The following PLK5 variants were observed in gnomAD, a reference collection of about 807,000 sequenced individuals.
The protein encoded by PLK5 is inactive serine/threonine-protein kinase PLK5.
Under a neutral mutation model 33.7 loss-of-function variants are expected in PLK5, and 28 were observed. The ratio of observed to expected loss-of-function variants is 0.83; its 90% CI spans 0.62 to 1.14. PLK5 has a LOEUF of 1.14. Among genes scored for constraint, PLK5 ranks in the 50% most tolerant of loss-of-function variants. PLK5 has a pLI of 0.00. For missense variants in PLK5, 492 were observed against 461.5 expected (o/e 1.07, Z -0.61); for synonymous variants, 225 against 202.2 (o/e 1.11, Z -0.96).
At chr19:1,530,533 C>T (rs4485495) in intron 11 of PLK5, among the ~76,000 whole-genome samples, 1 of 150,698 alleles carries the variant, frequency 6.6e-6, no homozygotes, top group Non-Finnish European at 1.5e-5. Flanking sequence ...TCCTGACCTC[C>T]GGTGATCTGG....
intron 11 of PLK5, among the ~76,000 whole-genome samples, chr19:1,530,715 G>A (rs1051387848): frequency 5.0e-5 from 7 of 139,264 alleles, no homozygotes; most frequent in Non-Finnish European, 1.1e-4. Flanking sequence ...TGCCTCCCGG[G>A]TTCACGCCAT....
intron 12 of PLK5, among the ~76,000 whole-genome samples, chr19:1,532,251 T>C (rs924137483): frequency 1.3e-5 from 2 of 152,024 alleles, no homozygotes; most frequent in Admixed American, 6.6e-5. Flanking sequence ...ACAAAAATTT[T>C]AATAATTAGC....
intron 6 of PLK5, among the ~76,000 whole-genome samples, chr19:1,527,349 C>A (rs990480178): frequency 6.6e-5 from 10 of 152,068 alleles, no homozygotes; most frequent in African/African-American, 2.2e-4. Context: ...CGCCTGTAAT[C>A]CTAGAGCTTT....
Position 1,533,609 on chromosome 19 carries a change from A to T in PLK5, c.715-322A>T, listed in dbSNP as rs979434052. 470 of 530,976 alleles carry T rather than the reference A, an allele frequency of 8.9e-4. 2 individuals are homozygous for T. The highest frequency in any genetic ancestry group is 1.4e-3 in the Non-Finnish European group (403 of 298,248). The allele number at this position is 530,976 out of a possible 1,614,324, so 32.9% of individuals were successfully genotyped here. ...GCACTGGGCATATGGATAAGGTGTAACTAGGGCAGAGCTGCTCTTTAAAGC... is the reference window on the plus strand; with the variant it reads ...GCACTGGGCATATGGATAAGGTGTATCTAGGGCAGAGCTGCTCTTTAAAGC... On this transcript the variant is annotated intron_variant, in intron 12 of 13. Transcript: ENST00000454744.
chr19:1,527,926 C>T lies in PLK5; in HGVS notation c.3-10C>T, dbSNP rs781656661. 6 of 1,531,168 alleles carry T rather than the reference C, an allele frequency of 3.9e-6. No individual in the cohort carries two copies. Among genetic ancestry groups the T allele is most frequent in the Admixed American group, 2.0e-5 (1 of 50,802 alleles). The allele number at this position is 1,531,168 out of a possible 1,614,324, so 94.8% of individuals were successfully genotyped here. A position where few individuals can be genotyped will look rare whatever the true frequency, so the allele number is the denominator to read the frequency against. ...TGGACACCCAGGTTCTTGCCCCCCA[C>T]CTGGCCCAGGTACACGGTGCTGACT... On this transcript the variant is annotated splice_polypyrimidine_tract_variant and intron_variant, in intron 6 of 13. Coordinates refer to ENST00000454744, the MANE Select transcript of PLK5 (RefSeq NM_001243079.2).
chr19:1,531,053 T>C (rs187833608), intron 11 of PLK5, among the ~76,000 whole-genome samples: 1 of 151,978 alleles, frequency 6.6e-6, no homozygotes, highest in African/African-American at 2.4e-5. Context: ...ATCGTGCCAC[T>C]GCACTTCAGC....
chr19:1,533,944 C>G lies in PLK5; in HGVS notation c.728C>G (p.Pro243Arg). 2 of 1,534,300 alleles carry G rather than the reference C, an allele frequency of 1.3e-6. No homozygotes were observed. The highest frequency in any genetic ancestry group is 1.4e-5 in the African/African-American group (1 of 73,096). Reference sequence around the variant, plus strand: ...GTCTGTCCACAGGAGGGGACCCTCCCCACACCTGTGCCACCTGCTGGACCC... The same window carrying G: ...GTCTGTCCACAGGAGGGGACCCTCCGCACACCTGTGCCACCTGCTGGACCC... ...PATPRREGTL[P>R]TPVPPAGPGL... The change falls in exon 13 of 14, where the codon CCC becomes CGC. Residue 243 changes from proline to arginine, a missense_variant. By Grantham distance (103) the Pro-to-Arg change is moderately radical. Transcript: ENST00000454744.
At position 1,528,358 on chromosome 19, in the gene PLK5, C is replaced by A; in HGVS notation, c.258C>A (p.Ala86=). 1 of 1,535,748 alleles carries A rather than the reference C, an allele frequency of 6.5e-7. No homozygotes were observed. Among genetic ancestry groups the A allele is most frequent in the South Asian group, 1.2e-5 (1 of 84,060 alleles). ...AHSCHSPPIF[A]IPPPLGRIFR... is the part of the protein sequence containing the mutation. ...CCTGCCACAGTCCCCCCATCTTCGC[C>A]ATACCCCCGCCTCTGGGCAGGATCT... The change falls in exon 8 of 14, where the codon GCC becomes GCA. Residue 86 remains alanine, a synonymous_variant. Transcript: ENST00000454744.
chr19:1,524,087 C>G lies in PLK5; in HGVS notation c.-703C>G, dbSNP rs1267835872. On this transcript the variant is annotated 5_prime_UTR_variant, in exon 1 of 14. Coordinates refer to ENST00000454744, the MANE Select transcript of PLK5 (RefSeq NM_001243079.2). The surrounding 1 kb of genome is among the most constrained non-coding windows in gnomAD (Gnocchi z 4.5). ...GGCTCCTGCGCCCTCAGAGCGGCCC[C>G]GGAGCGGCCGCAGCGCGGTGGTCTC... 2.6e-5 allele frequency: 4 copies of G among 151,208 alleles called. No homozygotes were observed. Among genetic ancestry groups the G allele is most frequent in the East Asian group, 1.9e-4 (1 of 5,180 alleles). 9.4% of individuals were successfully genotyped at this position (151,208 alleles called of 1,614,324 possible).
At chr19:1,530,456 C>T (rs1913894183) in intron 11 of PLK5, among the ~76,000 whole-genome samples, 2 of 152,014 alleles carry the variant, frequency 1.3e-5, no homozygotes. Flanking sequence ...TGCCACCACA[C>T]CTGCTAATTT....
intron 11 of PLK5, among the ~76,000 whole-genome samples, chr19:1,530,271 C>T (rs761617547): frequency 3.3e-5 from 5 of 152,044 alleles, no homozygotes; most frequent in Non-Finnish European, 5.9e-5. Flanking sequence ...GCCAGGTCTC[C>T]AGCCCAGAAG....
chr19:1,525,869 GTCCA>G (rs1913726324), intron 3 of PLK5, among the ~76,000 whole-genome samples, 158 bp downstream of exon 3: 1 of 152,164 alleles, frequency 6.6e-6, no homozygotes, highest in South Asian at 2.1e-4. Flanking sequence ...GGCCAATTGT[GTCCA>G]TCCTTTACTC....
intron 8 of PLK5, 25 bp downstream of exon 8, chr19:1,528,453 T>C (rs1268539984): frequency 3.0e-6 from 4 of 1,340,522 alleles, no homozygotes; most frequent in East Asian, 6.3e-5. Context: ...CGCCCACACC[T>C]GCCCAACACC....
intron 6 of PLK5, among the ~76,000 whole-genome samples, chr19:1,527,704 G>GT (rs1177229333): frequency 2.0e-5 from 3 of 148,318 alleles, no homozygotes; most frequent in Non-Finnish European, 1.5e-5. Flanking sequence ...ACCAAGCAGG[G>GT]TCCATGGGAC....
chr19:1,528,213 C>G, intron 7 of PLK5, 79 bp downstream of exon 7: 1 of 1,532,564 alleles, frequency 6.5e-7, no homozygotes, highest in Non-Finnish European at 8.7e-7. Flanking sequence ...CCTGCTCAGC[C>G]GAGGGAGGCC....
intron 6 of PLK5, 102 bp from the exon 7 acceptor site, chr19:1,527,834 T>C (rs1913784903): frequency 1.7e-6 from 2 of 1,187,664 alleles, no homozygotes; most frequent in Non-Finnish European, 2.3e-6. Flanking sequence ...GAAGCCGATA[T>C]GGGTTGCACA....
chr19:1,527,041 G>A (rs561186590), intron 6 of PLK5, 43 bp downstream of exon 6: 9 of 1,263,156 alleles, frequency 7.1e-6, no homozygotes, highest in African/African-American at 2.0e-5. Context: ...CTCCGGGGGG[G>A]GCAGGTGTGG....
chr19:1,527,729 G>A (rs1401575005), intron 6 of PLK5, among the ~76,000 whole-genome samples: 1 of 152,044 alleles, frequency 6.6e-6, no homozygotes, highest in East Asian at 1.9e-4. Flanking sequence ...CAGGGTGCCA[G>A]GTGCAGGCAG....
At chr19:1,534,182 C>T (rs1599308394) in intron 13 of PLK5, 141 bp downstream of exon 13, 2 of 664,790 alleles carry the variant, frequency 3.0e-6, no homozygotes, top group Non-Finnish European at 5.1e-6. Flanking sequence ...AAGGTATTGG[C>T]TCCTGCGTAC....
Sources: gnomAD v4.1 joint callset for allele counts (sites outside exome capture counted in the v4.1 genomes callset) on GRCh38, gnomAD v4.1.1 for gene constraint, Gnocchi (gnomAD v3.1) non-coding constraint, MANE v1.5 for transcripts, NCBI Gene and HGNC (gene_info 2026-07-23, HGNC 2026-07-21) for gene names.